Variants in ENTPD5 observed in about 807,000 individuals in gnomAD.
ENTPD5 encodes the protein nucleoside diphosphate phosphatase ENTPD5.
A neutral mutation model predicts 60.2 loss-of-function variants in ENTPD5; 49 were observed. That is an observed-to-expected ratio of 0.81 (90% CI 0.65 to 1.03). The LOEUF is 1.03. Ranked by LOEUF, ENTPD5 falls within the 50% of genes least tolerant of loss-of-function variation. The pLI is 0.00. For synonymous variants in ENTPD5, 187 were observed against 185.4 expected (o/e 1.01, Z -0.07); for missense variants, 480 against 507.6 (o/e 0.95, Z 0.52).
At position 73,986,626 on chromosome 14, in the gene ENTPD5, C is replaced by A; in HGVS notation, c.297+188G>T. The A allele has an allele frequency of 5.2e-6, 3 of 576,894 alleles. No homozygotes were observed. In the South Asian group the frequency reaches 6.9e-5, roughly 13 times the overall value. The allele number at this position is 576,894 out of a possible 1,614,324, so 35.7% of individuals were successfully genotyped here. On this transcript the variant is annotated intron_variant, in intron 5 of 15. Coordinates refer to ENST00000334696, the MANE Select transcript of ENTPD5 (RefSeq NM_001249.5). ...TTACCACAACCAATTTTCTAGCCTT[C>A]TTCCACCCAGCCCTCATGAGCGTGG...
downstream of ENTPD5, chr14:73,955,638 G>C: frequency 7.5e-7 from 1 of 1,341,748 alleles, no homozygotes; most frequent in Non-Finnish European, 1.1e-6. Flanking sequence ...CCGAGGAAGT[G>C]GGGAGAAGCA....
intron 3 of ENTPD5, among the ~76,000 whole-genome samples, chr14:74,003,113 T>C (rs1166676665): frequency 6.6e-6 from 1 of 152,232 alleles, no homozygotes; most frequent in East Asian, 1.9e-4. Context: ...CACCTTCACA[T>C]GCTCCCACCT....
intron 10 of ENTPD5, among the ~76,000 whole-genome samples, 156 bp downstream of exon 10, chr14:73,975,780 C>G (rs1363754864): frequency 3.9e-5 from 6 of 152,134 alleles, no homozygotes; most frequent in Non-Finnish European, 8.8e-5. Flanking sequence ...GCTCCTCCGG[C>G]TTTGTAAGTG....
At chr14:73,963,129 T>C, downstream of ENTPD5, 1 of 837,666 alleles carries the variant, frequency 1.2e-6, no homozygotes, top group Admixed American at 1.9e-5. Flanking sequence ...TTTTCTTCTT[T>C]GCTTAATGGG....
intron 15 of ENTPD5, among the ~76,000 whole-genome samples, chr14:73,967,323 A>G (rs1407549660): frequency 6.6e-6 from 1 of 152,248 alleles, no homozygotes; most frequent in East Asian, 1.9e-4. Flanking sequence ...CCTAACGTTG[A>G]AACTACACAA....
At chr14:73,955,483 A>C, downstream of ENTPD5, 1 of 1,614,130 alleles carries the variant, frequency 6.2e-7, no homozygotes, top group Non-Finnish European at 8.5e-7. Context: ...CTGCAACATG[A>C]GATACAGAGC....
intron 3 of ENTPD5, among the ~76,000 whole-genome samples, chr14:74,002,692 A>T (rs1423803856): frequency 6.6e-6 from 1 of 152,192 alleles, no homozygotes; most frequent in Non-Finnish European, 1.5e-5. Flanking sequence ...GTGATTTGCT[A>T]ATATTGTCCT....
At chr14:73,976,058 T>A in intron 9 of ENTPD5, 43 bp from the exon 10 acceptor site, 2 of 1,492,944 alleles carry the variant, frequency 1.3e-6, no homozygotes, top group Non-Finnish European at 1.9e-6. Context: ...GGATCTGTAA[T>A]TACCTGAAGA....
chr14:74,008,288 G>A (rs1158990634), intron 3 of ENTPD5, among the ~76,000 whole-genome samples: 1 of 152,104 alleles, frequency 6.6e-6, no homozygotes, highest in African/African-American at 2.4e-5. Flanking sequence ...GGGAGGGAAG[G>A]GTCTTTGCTC....
chr14:74,004,559 G>A (rs80239428), intron 3 of ENTPD5, among the ~76,000 whole-genome samples: 3,125 of 152,210 alleles, frequency 0.021, 98 homozygotes, highest in African/African-American at 0.071. Context: ...GATGTAGGCT[G>A]GGGCTGCAGT....
downstream of ENTPD5, chr14:73,958,097 C>A: frequency 6.8e-7 from 1 of 1,471,628 alleles, no homozygotes; most frequent in Non-Finnish European, 9.5e-7. Flanking sequence ...TTTCCTCAGC[C>A]TATGTGGCCC....
intron 4 of ENTPD5, among the ~76,000 whole-genome samples, chr14:73,987,488 C>T (rs2140635816): frequency 6.6e-6 from 1 of 152,010 alleles, no homozygotes; most frequent in South Asian, 2.1e-4. Flanking sequence ...GAGTTTGAGG[C>T]CAGCCTGAGC....
chr14:73,983,748 T>C (rs1175318124), intron 5 of ENTPD5, among the ~76,000 whole-genome samples: 1 of 151,508 alleles, frequency 6.6e-6, no homozygotes, highest in Non-Finnish European at 1.5e-5. Flanking sequence ...AGTGGCATGA[T>C]CTTGTGATCT....
At chr14:73,989,492 G>A (rs1261186228) in intron 3 of ENTPD5, among the ~76,000 whole-genome samples, 1 of 151,232 alleles carries the variant, frequency 6.6e-6, no homozygotes, top group African/African-American at 2.4e-5. Context: ...GAGGTCAGGA[G>A]TTTGAGACCA....
intron 10 of ENTPD5, 141 bp downstream of exon 10, chr14:73,975,795 G>C: frequency 1.6e-6 from 1 of 612,438 alleles, no homozygotes; most frequent in Non-Finnish European, 2.8e-6. Context: ...TAAGTGGACC[G>C]GGTTTCAGTT....
At chr14:73,981,130 G>GAATAAA (rs967502548) in intron 6 of ENTPD5, among the ~76,000 whole-genome samples, 1 of 150,662 alleles carries the variant, frequency 6.6e-6, no homozygotes, top group Non-Finnish European at 1.5e-5. Context: ...AAATAAATAA[G>GAATAAA]AATAAAAATA....
At chr14:74,009,793 A>ATT (rs35225003) in intron 3 of ENTPD5, among the ~76,000 whole-genome samples, 6 of 149,556 alleles carry the variant, frequency 4.0e-5, no homozygotes, top group African/African-American at 9.9e-5. Context: ...CATGTTTTCG[A>ATT]TTTTTTTTTT....
chr14:73,959,524 T>A, downstream of ENTPD5: 1 of 1,614,072 alleles, frequency 6.2e-7, no homozygotes, highest in South Asian at 1.1e-5. Context: ...TCTGCCTTTG[T>A]GAGTATCAAT....
At chr14:73,968,835 G>C (rs1264085613) in intron 15 of ENTPD5, among the ~76,000 whole-genome samples, 1 of 152,174 alleles carries the variant, frequency 6.6e-6, no homozygotes, top group Non-Finnish European at 1.5e-5. Context: ...ATAGAGCCTA[G>C]ACACTGTGCC....
Sources: allele counts gnomAD v4.1 joint callset (sites outside exome capture counted in the v4.1 genomes callset), GRCh38; gene constraint gnomAD v4.1.1; transcripts MANE v1.5; gene names NCBI Gene and HGNC (gene_info 2026-07-23, HGNC 2026-07-21).